NTRK2: variants seen among roughly 807,000 people sequenced by gnomAD.
NTRK2 encodes the protein neurotrophic receptor tyrosine kinase 2.
In NTRK2, 13 loss-of-function variants were observed where a neutral mutation model predicts 94.5. That is an observed-to-expected ratio of 0.14 (90% CI 0.09 to 0.22). NTRK2 has a LOEUF of 0.22. NTRK2 is among the 10% of genes least tolerant of loss of function. The pLI is 1.00. For missense variants in NTRK2, 639 were observed against 1,071.2 expected, an observed-to-expected ratio of 0.60 and a Z score of 5.63; for synonymous variants, 372 against 407.4, an observed-to-expected ratio of 0.91 and a Z score of 1.05.
At chr9:85,020,643 C>T (rs1832703678) in intron 18 of NTRK2, among the ~76,000 whole-genome samples, 1 of 152,188 alleles carries the variant, frequency 6.6e-6, no homozygotes, top group Non-Finnish European at 1.5e-5. Flanking sequence ...AAATTAATAG[C>T]AGACGTAGCA....
chr9:84,815,465 G>A lies in NTRK2; in HGVS notation c.1397-45575G>A, dbSNP rs58830583. On this transcript the variant is annotated intron_variant, in intron 12 of 18. Transcript: ENST00000277120. ...AATCCTTGAGTTTCACGCACTTCAT[G>A]TTCAACCATTTGCTGTAATCCAGAG... 12,775 of 1,036,946 alleles carry A rather than the reference G, an allele frequency of 0.012. 1,143 individuals carry two copies. The African/African-American group carries it at 0.2, about 16-fold the overall frequency. The allele number at this position is 1,036,946 out of a possible 1,614,324, so 64.2% of individuals were successfully genotyped here.
intron 5 of NTRK2, among the ~76,000 whole-genome samples, chr9:84,709,695 C>T (rs748618973): frequency 3.3e-5 from 5 of 152,092 alleles, no homozygotes; most frequent in Non-Finnish European, 5.9e-5. Context: ...GTCTATGTAA[C>T]GATTTTAAAT....
intron 15 of NTRK2, among the ~76,000 whole-genome samples, chr9:84,938,864 A>G (rs890460301): frequency 6.6e-6 from 1 of 152,064 alleles, no homozygotes; most frequent in Non-Finnish European, 1.5e-5. Flanking sequence ...CAGCCTGGGC[A>G]ACATGATGAA....
Position 84,912,684 on chromosome 9 carries a change from T to C in NTRK2, c.1634-21478T>C, listed in dbSNP as rs188666698. On this transcript the variant is annotated intron_variant, in intron 14 of 18. Coordinates refer to ENST00000277120, the MANE Select transcript of NTRK2 (RefSeq NM_006180.6). ...CCCAGGCTGGAGTGCAGTGGCGCGA[T>C]CTTGGCTCACTGCAAGCTCTGCCTC... Among the ~76,000 whole-genome samples, 334 of 147,178 alleles carry C rather than the reference T, an allele frequency of 2.3e-3. 8 individuals carry two copies. The highest frequency in any genetic ancestry group is 0.02 in the Admixed American group (289 of 14,616).
At chr9:84,715,286 A>AT (rs2061645417) in intron 6 of NTRK2, among the ~76,000 whole-genome samples, 2 of 152,060 alleles carry the variant, frequency 1.3e-5, no homozygotes, top group South Asian at 2.1e-4. Context: ...ATAGTTTAGT[A>AT]TTTTTTCATT....
At chr9:85,014,969 A>G (rs553949923) in intron 17 of NTRK2, among the ~76,000 whole-genome samples, 5 of 152,290 alleles carry the variant, frequency 3.3e-5, no homozygotes, top group South Asian at 2.1e-4. Flanking sequence ...TTTAGGCACT[A>G]TGGAATTTCT....
chr9:84,812,944 G>A (rs202153134), intron 12 of NTRK2: 39 of 1,032,492 alleles, frequency 3.8e-5, no homozygotes, highest in Middle Eastern at 4.5e-4. Context: ...TATAGTTCTC[G>A]TGTTCTTTTC....
chr9:84,882,730 G>GCGCA (rs1554762234), intron 14 of NTRK2, among the ~76,000 whole-genome samples: 1,591 of 151,676 alleles, frequency 0.01, 31 homozygotes, highest in African/African-American at 0.037. Context: ...GCGCGCGCGC[G>GCGCA]CGCATGTGTG....
intron 12 of NTRK2, among the ~76,000 whole-genome samples, chr9:84,756,137 A>C (rs2132560592): frequency 6.6e-6 from 1 of 152,316 alleles, no homozygotes; most frequent in Admixed American, 6.5e-5. Flanking sequence ...TCCCTATATG[A>C]AAATGCATAA....
intron 8 of NTRK2, among the ~76,000 whole-genome samples, chr9:84,725,231 A>C (rs186631409): frequency 1.3e-5 from 2 of 152,278 alleles, no homozygotes; most frequent in Non-Finnish European, 2.9e-5. Flanking sequence ...ATGCTGGTTA[A>C]CACTCACTCA....
chr9:84,720,158 G>C (rs1314930842), intron 6 of NTRK2, among the ~76,000 whole-genome samples: 1 of 152,142 alleles, frequency 6.6e-6, no homozygotes, highest in Non-Finnish European at 1.5e-5. Context: ...AGAAAGCCAA[G>C]GGGAAACTTG....
chr9:84,870,702 T>G (rs1033202995), intron 14 of NTRK2, among the ~76,000 whole-genome samples: 2 of 151,964 alleles, frequency 1.3e-5, no homozygotes, highest in African/African-American at 4.8e-5. Context: ...TTTCAAGAAG[T>G]TGCAATGATA....
chr9:84,767,769 C>A (rs1588466694), intron 12 of NTRK2, among the ~76,000 whole-genome samples: 1 of 152,188 alleles, frequency 6.6e-6, no homozygotes, highest in East Asian at 1.9e-4. Context: ...GAAACAGTGT[C>A]TTCTACCTCT....
intron 14 of NTRK2, among the ~76,000 whole-genome samples, chr9:84,923,915 C>T (rs1021245783): frequency 2.0e-5 from 3 of 148,588 alleles, no homozygotes; most frequent in Non-Finnish European, 4.5e-5. Context: ...AAAAAAAAAA[C>T]AACAAAAACA....
Position 84,690,364 on chromosome 9 carries a change from T to C in NTRK2, c.213-11795T>C, listed in dbSNP as rs530982514. On this transcript the variant is annotated intron_variant, in intron 2 of 18. Transcript: ENST00000277120. ...TTCTTGTGAAATGATTTGTCCTGAC[T>C]GGAGGCCAAGAGCTTTCAAAACTGT... Among the ~76,000 whole-genome samples, 25 of 152,310 alleles carry C rather than the reference T, an allele frequency of 1.6e-4. No homozygotes were observed. The East Asian group carries it at 4.4e-3, about 27-fold the overall frequency.
chr9:84,696,053 G>A (rs1043440464), intron 2 of NTRK2, among the ~76,000 whole-genome samples: 2 of 152,184 alleles, frequency 1.3e-5, no homozygotes, highest in African/African-American at 4.8e-5. Context: ...CTGTCACCCA[G>A]GCTGGAGTGC....
chr9:84,827,942 G>C (rs891190677), intron 12 of NTRK2, among the ~76,000 whole-genome samples: 40 of 152,210 alleles, frequency 2.6e-4, no homozygotes, highest in African/African-American at 9.2e-4. Flanking sequence ...TTCTTCTCTT[G>C]AGAATTGGAA....
chr9:84,774,944 GGGAC>G (rs1227504590), intron 12 of NTRK2, among the ~76,000 whole-genome samples: 1 of 152,184 alleles, frequency 6.6e-6, no homozygotes, highest in Non-Finnish European at 1.5e-5. Flanking sequence ...GGAAGGAAAA[GGGAC>G]ACAGGAGGTA....
chr9:84,774,285 G>A (rs2066827817), intron 12 of NTRK2, among the ~76,000 whole-genome samples: 1 of 152,140 alleles, frequency 6.6e-6, no homozygotes, highest in African/African-American at 2.4e-5. Context: ...CTCCAAGAGT[G>A]GTTTTCAGTG....
Sources: allele counts gnomAD v4.1 joint callset (sites outside exome capture counted in the v4.1 genomes callset), GRCh38; gene constraint gnomAD v4.1.1; transcripts MANE v1.5; gene names NCBI Gene and HGNC (gene_info 2026-07-23, HGNC 2026-07-21).